Variants in GPM6B observed in about 807,000 individuals in gnomAD.
GPM6B encodes the protein glycoprotein M6B.
In GPM6B, 4 loss-of-function variants were observed where a neutral mutation model predicts 27.2. That is an observed-to-expected ratio of 0.15 (90% confidence interval 0.07 to 0.34). GPM6B has a LOEUF of 0.34. Among genes scored for constraint, GPM6B ranks in the 10% least tolerant of loss-of-function variants. The probability of loss-of-function intolerance (pLI) is 1.00; values close to 1 mark genes in which losing one functional copy is unlikely to be tolerated. For missense variants in GPM6B, 183 were observed against 261.9 expected (o/e 0.70, Z 2.08); for synonymous variants, 124 against 103.1 (o/e 1.20, Z -1.23).
chrX:13,927,106 A>G lies in GPM6B; in HGVS notation c.-198+11221T>C, dbSNP rs1373218214. 6.3e-5 allele frequency among the ~76,000 whole-genome samples: 7 copies of G among 111,538 alleles called. No individual in the cohort carries two copies. The East Asian group carries it at 2.0e-3, about 31-fold the overall frequency. ...ACAAATAAGGATCTAAATGGAAGAG[A>G]AAACCCAAATGACCAATAACCTACA... On this transcript the variant is annotated intron_variant, in intron 1 of 6. Coordinates refer to the GPM6B transcript ENST00000398361.
intron 1 of GPM6B, among the ~76,000 whole-genome samples, chrX:13,810,064 G>A (rs1195086990): frequency 2.7e-5 from 3 of 110,733 alleles, no homozygotes; most frequent in Non-Finnish European, 5.7e-5. Context: ...GTTGCAGTGA[G>A]CTGAGATCAT....
At chrX:13,874,636 G>T (rs768349692) in intron 1 of GPM6B, among the ~76,000 whole-genome samples, 167 of 111,540 alleles carry the variant, frequency 1.5e-3, no homozygotes, top group African/African-American at 5.0e-3. Flanking sequence ...CTTGAACCTG[G>T]GAGGCAGAGG....
intron 7 of GPM6B, among the ~76,000 whole-genome samples, chrX:13,775,851 T>C (rs761665787): frequency 8.9e-6 from 1 of 112,381 alleles, no homozygotes; most frequent in East Asian, 2.8e-4. Flanking sequence ...TATAAATGTA[T>C]GTATATGTGC....
intron 1 of GPM6B, among the ~76,000 whole-genome samples, chrX:13,824,501 G>A (rs963391866): frequency 8.9e-6 from 1 of 111,797 alleles, no homozygotes; most frequent in Admixed American, 9.5e-5. Context: ...GGAGGCAGGA[G>A]GGAAACAGAC....
chrX:13,853,590 CAAAAA>C (rs66531403), intron 1 of GPM6B, among the ~76,000 whole-genome samples: 4 of 38,562 alleles, frequency 1.0e-4, no homozygotes, highest in East Asian at 9.9e-4. Context: ...GACACCACCT[CAAAAA>C]AAAAAAAAAA....
intron 1 of GPM6B, among the ~76,000 whole-genome samples, chrX:13,881,143 A>C (rs1006707897): frequency 8.0e-5 from 9 of 112,014 alleles, no homozygotes; most frequent in African/African-American, 2.9e-4. Context: ...AATCTTGTCT[A>C]CCTTGCCCAC....
chrX:13,798,408 G>A lies in GPM6B; in HGVS notation c.181+9242C>T, dbSNP rs781273436. On this transcript the variant is annotated intron_variant, in intron 2 of 7. Coordinates refer to ENST00000316715, the MANE Select transcript of GPM6B (RefSeq NM_001001995.3). ...GTGAGGGGGAAGGAAAATAAAGGGC[G>A]CTGAGGAAGACATACCTGTTCCTCT... Among the ~76,000 whole-genome samples, 9 of 109,467 alleles carry A rather than the reference G, an allele frequency of 8.2e-5. No individual in the cohort carries two copies. The South Asian group carries it at 1.6e-3, about 20-fold the overall frequency.
intron 4 of GPM6B, among the ~76,000 whole-genome samples, chrX:13,782,757 CAAAAAAAAAAAAAAAAG>C (rs2048539684): frequency 3.2e-5 from 1 of 31,161 alleles, no homozygotes; most frequent in South Asian, 2.2e-3. Context: ...TGCTCCGTCT[CAAAAAAAAAAAAAAAAG>C]AAAAAAAAAA....
chrX:13,803,021 G>T (rs750986519), intron 2 of GPM6B, among the ~76,000 whole-genome samples: 3 of 112,088 alleles, frequency 2.7e-5, no homozygotes, highest in Non-Finnish European at 5.6e-5. Flanking sequence ...CATTTCAAGT[G>T]GTTTGGGAGA....
At chrX:13,913,553 T>C (rs148049280) in intron 1 of GPM6B, among the ~76,000 whole-genome samples, 2 of 111,748 alleles carry the variant, frequency 1.8e-5, no homozygotes, top group Admixed American at 1.9e-4. Context: ...TATTATGAAA[T>C]ATATCCTTTC....
intron 1 of GPM6B, among the ~76,000 whole-genome samples, chrX:13,937,678 C>A (rs1410962483): frequency 9.0e-6 from 1 of 111,722 alleles, no homozygotes; most frequent in Non-Finnish European, 1.9e-5. Context: ...CCTCCCAATA[C>A]AGAGTCCCCA....
chrX:13,804,951 A>G (rs1276026655), intron 2 of GPM6B, among the ~76,000 whole-genome samples: 3 of 111,479 alleles, frequency 2.7e-5, no homozygotes, highest in Non-Finnish European at 3.8e-5. Context: ...AGGCGATGGC[A>G]TGGCTAGAGT....
chrX:13,865,273 A>T (rs2049896449), intron 1 of GPM6B, among the ~76,000 whole-genome samples: 1 of 110,373 alleles, frequency 9.1e-6, no homozygotes, highest in African/African-American at 3.3e-5. Flanking sequence ...TTGTTTCTAA[A>T]ATACAGGTAG....
At chrX:13,905,567 AAGG>A (rs2050323073) in intron 1 of GPM6B, among the ~76,000 whole-genome samples, 1 of 111,824 alleles carries the variant, frequency 8.9e-6, no homozygotes, top group African/African-American at 3.3e-5. Flanking sequence ...CGCCTCCAAG[AAGG>A]AGTTTTCTAG....
chrX:13,858,681 A>C (rs12389485), intron 1 of GPM6B, among the ~76,000 whole-genome samples: 5,979 of 111,069 alleles, frequency 0.054, 379 homozygotes, highest in African/African-American at 0.18. Context: ...TATTTCCAGA[A>C]AACTTATCCA....
chrX:13,785,611 C>T lies in GPM6B; in HGVS notation c.368+11G>A, dbSNP rs201522549. 5.5e-5 allele frequency: 66 copies of T among 1,205,580 alleles called. No individual in the cohort carries two copies. Among genetic ancestry groups the T allele is most frequent in the Middle Eastern group, 4.6e-4 (2 of 4,335 alleles). ...CCTTAGATGCATTTTTAAAGGGAAC[C>T]GGATACTTACACCTCGCTCAGCAAG... On this transcript the variant is annotated intron_variant, in intron 3 of 7. Transcript: ENST00000316715.
intron 1 of GPM6B, among the ~76,000 whole-genome samples, chrX:13,917,551 T>A (rs1007044979): frequency 1.8e-5 from 2 of 112,243 alleles, no homozygotes; most frequent in African/African-American, 6.5e-5. Flanking sequence ...CTTGTCTCCT[T>A]GACCCTAAAG....
At chrX:13,789,533 T>A (rs2048671606) in intron 2 of GPM6B, among the ~76,000 whole-genome samples, 1 of 111,493 alleles carries the variant, frequency 9.0e-6, no homozygotes, top group Admixed American at 9.5e-5. Flanking sequence ...CCCAGCACTT[T>A]GGGAGGCCAA....
intron 1 of GPM6B, among the ~76,000 whole-genome samples, chrX:13,814,337 T>C (rs1807892793): frequency 9.0e-6 from 1 of 111,248 alleles, no homozygotes; most frequent in Non-Finnish European, 1.9e-5. Context: ...TGAAAACAGA[T>C]GGGAAAGGAG....
Sources: gnomAD v4.1 joint callset for allele counts (sites outside exome capture counted in the v4.1 genomes callset) on GRCh38, gnomAD v4.1.1 for gene constraint, MANE v1.5 for transcripts, NCBI Gene and HGNC (gene_info 2026-07-23, HGNC 2026-07-21) for gene names.